Variants in TEK observed in about 807,000 individuals in gnomAD.
The protein encoded by TEK is angiopoietin-1 receptor.
A neutral mutation model predicts 131.8 loss-of-function variants in TEK; 43 were observed. The ratio of observed to expected loss-of-function variants is 0.33; its 90% CI spans 0.26 to 0.42. The LOEUF is 0.42. Among genes scored for constraint, TEK ranks in the 10% least tolerant of loss-of-function variants. The pLI, the probability that TEK is intolerant of heterozygous loss-of-function variation, is 1.00. For missense variants in TEK, 1,162 were observed against 1,384.4 expected (o/e 0.84, Z 2.55); for synonymous variants, 580 against 491.6 (o/e 1.18, Z -2.38).
At chr9:27,132,753 A>G (rs1430785802) in intron 1 of TEK, among the ~76,000 whole-genome samples, 1 of 152,250 alleles carries the variant, frequency 6.6e-6, no homozygotes, top group Middle Eastern at 3.2e-3. Flanking sequence ...GGGAAAATGT[A>G]GACATACAGA....
rs570547073 is a variant in TEK, at chr9:27,194,819, G to A, written c.1624+2196G>A. 9.2e-5 allele frequency among the ~76,000 whole-genome samples: 14 copies of A among 152,118 alleles called. No individual in the cohort carries two copies. The East Asian group carries it at 1.4e-3, about 15-fold the overall frequency. ...TTTGCTGCTGTTTGCTTTTCATTTC[G>A]TCTGGCAGTTGCACTGTTTATGTGT... On this transcript the variant is annotated intron_variant, in intron 11 of 22. Transcript: ENST00000380036.
Position 27,229,401 on chromosome 9 carries a change from G to T in TEK, c.*169G>T. 4.2e-6 allele frequency: 3 copies of T among 708,362 alleles called. No individual in the cohort carries two copies. The highest frequency in any genetic ancestry group is 1.5e-5 in the South Asian group (1 of 67,464). 43.9% of individuals were successfully genotyped at this position (708,362 alleles called of 1,614,324 possible). A position where few individuals can be genotyped will look rare whatever the true frequency, so the allele number is the denominator to read the frequency against. ...TCCCATGCATGGATCTATGTAGTAT[G>T]CTCTGACTCTAATAGGACTGTATAT... On this transcript the variant is annotated 3_prime_UTR_variant, in exon 23 of 23. Transcript: ENST00000380036.
rs541065 is a variant in TEK, at chr9:27,205,237, T to A, written c.2364+172T>A. Among the ~76,000 whole-genome samples, 31,282 of 152,084 alleles carry A rather than the reference T, an allele frequency of 0.21. 3,716 individuals carry two copies. The highest frequency in any genetic ancestry group is 0.27 in the Non-Finnish European group (18,035 of 67,940). On this transcript the variant is annotated intron_variant, in intron 14 of 22. Coordinates refer to ENST00000380036, the MANE Select transcript of TEK (RefSeq NM_000459.5). ...AATGGGAGATAAAAAGTATGACTTT[T>A]TAATTTCTTATCCAAACCAGAACAA...
At chr9:27,113,785 C>G (rs1821441707) in intron 1 of TEK, among the ~76,000 whole-genome samples, 1 of 152,126 alleles carries the variant, frequency 6.6e-6, no homozygotes, top group African/African-American at 2.4e-5. Context: ...CTGGCCAATT[C>G]CAACTGAATA....
Position 27,109,623 on chromosome 9 carries a change from A to G in TEK, c.33A>G (p.Gly11=). Residue 11 remains glycine, a synonymous_variant, in exon 1 of 23, where the codon GGA becomes GGG. Coordinates refer to ENST00000380036, the MANE Select transcript of TEK (RefSeq NM_000459.5). MDSLASLVLC[G]VSLLLSGTVE... ...CTTTAGCCAGCTTAGTTCTCTGTGG[A>G]GTCAGCTTGCTCCTTTCTGGTAAGG... The G allele has an allele frequency of 1.2e-6, 2 of 1,614,150 alleles. No homozygotes were observed. Among genetic ancestry groups the G allele is most frequent in the Non-Finnish European group, 1.7e-6 (2 of 1,180,028 alleles).
chr9:27,124,309 C>T (rs1426212676), intron 1 of TEK, among the ~76,000 whole-genome samples: 1 of 152,232 alleles, frequency 6.6e-6, no homozygotes, highest in Non-Finnish European at 1.5e-5. Context: ...CTGAGTAGCT[C>T]TGCTTCAGGT....
chr9:27,119,902 T>TGTGC (rs1436418656), intron 1 of TEK, among the ~76,000 whole-genome samples: 1 of 151,778 alleles, frequency 6.6e-6, no homozygotes, highest in Non-Finnish European at 1.5e-5. Flanking sequence ...TGTGTGTGTG[T>TGTGC]GCATGTGGGT....
chr9:27,197,294 G>T (rs781303146), intron 11 of TEK, 21 bp from the exon 12 acceptor site: 3 of 1,611,990 alleles, frequency 1.9e-6, no homozygotes, highest in East Asian at 2.2e-5. Context: ...TAAAAATAAT[G>T]ATTTTTCTGG....
intron 5 of TEK, among the ~76,000 whole-genome samples, 171 bp downstream of exon 5, chr9:27,172,918 T>C (rs975714058): frequency 2.0e-5 from 3 of 152,202 alleles, no homozygotes; most frequent in Admixed American, 6.5e-5. Flanking sequence ...GGTTCTTTAA[T>C]GCCAACCACT....
intron 16 of TEK, 100 bp downstream of exon 16, chr9:27,209,331 A>AT (rs1391304694): frequency 7.4e-5 from 67 of 900,700 alleles, no homozygotes; most frequent in Non-Finnish European, 8.9e-5. Context: ...AATGTTGCCT[A>AT]TTTTTTTTAA....
intron 2 of TEK, among the ~76,000 whole-genome samples, chr9:27,167,729 T>G (rs191286254): frequency 6.6e-4 from 101 of 152,340 alleles, no homozygotes; most frequent in African/African-American, 2.3e-3. Flanking sequence ...CTCATTTTAT[T>G]TGAGCAACGC....
At chr9:27,185,772 A>T in intron 9 of TEK, 143 bp downstream of exon 9, 1 of 1,129,424 alleles carries the variant, frequency 8.9e-7, no homozygotes, top group Non-Finnish European at 1.3e-6. Context: ...AATTATATGC[A>T]TGAAACTAGA....
rs1056535597 is a variant in TEK, at chr9:27,109,657, T to C, written c.52+15T>C. 6 of 1,613,714 alleles carry C rather than the reference T, an allele frequency of 3.7e-6. No homozygotes were observed. The highest frequency in any genetic ancestry group is 4.2e-6 in the Non-Finnish European group (5 of 1,179,688). ...GCTCCTTTCTGGTAAGGTTTGGCTT[T>C]ATTTTTTTTAATTTAGTATTTTAAA... On this transcript the variant is annotated intron_variant, in intron 1 of 22. Coordinates refer to ENST00000380036, the MANE Select transcript of TEK (RefSeq NM_000459.5).
rs532544139 is a variant in TEK at position 27,115,507 on chromosome 9, CAACA to C, written c.52+5877_52+5880del. ...GAGCGAGACATTGTCTCAAAAAAAA[CAACA>C]AACAAACAAACGAAACTAAATTGAA... is the stretch of plus-strand genomic sequence containing the variant. On this transcript the variant is annotated intron_variant, in intron 1 of 22. Coordinates refer to ENST00000380036, the MANE Select transcript of TEK (RefSeq NM_000459.5). Among the ~76,000 whole-genome samples, 301 of 151,792 alleles carry C rather than the reference CAACA, an allele frequency of 2.0e-3. 1 individual carries two copies. The highest frequency in any genetic ancestry group is 3.4e-3 in the Non-Finnish European group (232 of 67,850).
chr9:27,218,941 G>A, intron 20 of TEK, 124 bp downstream of exon 20: 1 of 974,790 alleles, frequency 1.0e-6, no homozygotes, highest in Non-Finnish European at 1.6e-6. Flanking sequence ...ATGTGACTTG[G>A]AAATAGAAAC....
chr9:27,168,959 A>G (rs2131141899), intron 3 of TEK, among the ~76,000 whole-genome samples: 1 of 152,344 alleles, frequency 6.6e-6, no homozygotes, highest in South Asian at 2.1e-4. Flanking sequence ...TGGGAAGCCA[A>G]TTGTTAGCAG....
intron 6 of TEK, among the ~76,000 whole-genome samples, chr9:27,179,043 C>T (rs539374414): frequency 6.6e-6 from 1 of 152,250 alleles, no homozygotes; most frequent in East Asian, 1.9e-4. Context: ...AATATTTTGT[C>T]TAACCCTTTC....
At chr9:27,212,923 A>G (rs771884137) in intron 17 of TEK, 26 bp downstream of exon 17, 32 of 1,610,742 alleles carry the variant, frequency 2.0e-5, no homozygotes, top group Non-Finnish European at 2.5e-5. Flanking sequence ...TTCGCTTTGG[A>G]TATCTTTCCT....
intron 7 of TEK, 127 bp downstream of exon 7, chr9:27,180,495 A>G: frequency 7.4e-7 from 1 of 1,356,578 alleles, no homozygotes; most frequent in Non-Finnish European, 1.0e-6. Context: ...GAAGTTGGGA[A>G]TAGTTTATCC....
Sources: allele counts gnomAD v4.1 joint callset (sites outside exome capture counted in the v4.1 genomes callset), GRCh38; gene constraint gnomAD v4.1.1; transcripts MANE v1.5; gene names NCBI Gene and HGNC (gene_info 2026-07-23, HGNC 2026-07-21).